SLC22A4: variants seen among roughly 807,000 people sequenced by gnomAD.
The protein encoded by SLC22A4 is solute carrier family 22 member 4, also known as ET transporter.
A neutral mutation model predicts 56.6 loss-of-function variants in SLC22A4; 39 were observed. The ratio of observed to expected loss-of-function variants is 0.69; its 90% CI spans 0.53 to 0.90. The LOEUF is 0.90. Ranked by LOEUF, SLC22A4 falls within the 40% of genes least tolerant of loss-of-function variation. SLC22A4 has a pLI of 0.00. For synonymous variants in SLC22A4, 241 were observed against 281.4 expected (o/e 0.86, Z 1.44); for missense variants, 594 against 696.5 (o/e 0.85, Z 1.66).
chr5:132,337,273 T>C (rs868566492), intron 8 of SLC22A4, among the ~76,000 whole-genome samples: 4,983 of 94,544 alleles, frequency 0.053, 344 homozygotes, highest in African/African-American at 0.14. Context: ...GATTACCTTT[T>C]TTTTTTTTTT....
chr5:132,303,295 TACACACAC>T, intron 1 of SLC22A4, among the ~76,000 whole-genome samples: 1 of 150,832 alleles, frequency 6.6e-6, no homozygotes, highest in East Asian at 1.9e-4. Context: ...CTGGTGAAAA[TACACACAC>T]ACACACACAC....
At chr5:132,295,158 C>A in intron 1 of SLC22A4, 149 bp downstream of exon 1, 1 of 958,776 alleles carries the variant, frequency 1.0e-6, no homozygotes, top group Non-Finnish European at 1.6e-6. Flanking sequence ...GTGTGCACCC[C>A]AAGAAAGAAT....
At chr5:132,337,925 A>G (rs541903875) in intron 8 of SLC22A4, among the ~76,000 whole-genome samples, 9 of 135,208 alleles carry the variant, frequency 6.7e-5, no homozygotes, top group Non-Finnish European at 1.1e-4. Flanking sequence ...TTGTATTTTT[A>G]GTAGAGATGG....
Position 132,337,362 on chromosome 5 carries a change from C to T in SLC22A4, c.1444+1362C>T, listed in dbSNP as rs555424987. ...TTCCCAGCTCACTGCAGCCTCAATCCCCCAGGCTCAAGAGATCCTCCCACC... is the reference window on the plus strand; with the variant it reads ...TTCCCAGCTCACTGCAGCCTCAATCTCCCAGGCTCAAGAGATCCTCCCACC... On this transcript the variant is annotated intron_variant, in intron 8 of 9. Transcript: ENST00000200652. 3.8e-3 allele frequency among the ~76,000 whole-genome samples: 566 copies of T among 150,500 alleles called. 2 individuals carry two copies. The highest frequency in any genetic ancestry group is 0.013 in the African/African-American group (530 of 40,944).
intron 8 of SLC22A4, among the ~76,000 whole-genome samples, chr5:132,339,804 T>C (rs1460803400): frequency 6.6e-6 from 1 of 152,152 alleles, no homozygotes; most frequent in Admixed American, 6.5e-5. Context: ...GCAATAACAA[T>C]ATTTTCCTTA....
intron 3 of SLC22A4, among the ~76,000 whole-genome samples, chr5:132,316,807 A>C (rs1042044514): frequency 1.3e-5 from 2 of 152,152 alleles, no homozygotes; most frequent in Admixed American, 6.5e-5. Flanking sequence ...CCACATATAT[A>C]TATATTTTTT....
In SLC22A4 at chr5:132,336,009, C is replaced by T. The variant is rs1196384025; in HGVS notation, c.1444+9C>T. The T allele has an allele frequency of 6.2e-7, 1 of 1,612,144 alleles. No homozygotes were observed. The highest frequency in any genetic ancestry group is 1.1e-5 in the South Asian group (1 of 91,040). Reference sequence around the variant, plus strand: ...CTACTTTGTTTACCTCGGTGAGCTGCATCTTGTGCATTTGTTCTTCCTTTA... The same window carrying T: ...CTACTTTGTTTACCTCGGTGAGCTGTATCTTGTGCATTTGTTCTTCCTTTA... On this transcript the variant is annotated intron_variant, in intron 8 of 9. Coordinates refer to ENST00000200652, the MANE Select transcript of SLC22A4 (RefSeq NM_003059.3).
At chr5:132,304,078 G>GGAAAAAACA (rs1359086253) in intron 1 of SLC22A4, among the ~76,000 whole-genome samples, 1 of 152,156 alleles carries the variant, frequency 6.6e-6, no homozygotes, top group Non-Finnish European at 1.5e-5. Flanking sequence ...TAGTTTACCA[G>GGAAAAAACA]GAAAAAACAG....
At position 132,294,568 on chromosome 5, in the gene SLC22A4, A is replaced by G. The variant is rs768845505; in HGVS notation, c.-49A>G. On this transcript the variant is annotated 5_prime_UTR_variant, in exon 1 of 10. Coordinates refer to ENST00000200652, the MANE Select transcript of SLC22A4 (RefSeq NM_003059.3). The surrounding 1 kb of genome is among the most constrained non-coding windows in gnomAD (Gnocchi z 5.6). ...CCCAGCTACAAGACACTGTCCTGAG[A>G]ACGCTGTCATCACCCGTAGTTGCAA... 4 of 1,613,394 alleles carry G rather than the reference A, an allele frequency of 2.5e-6. No individual in the cohort carries two copies. The highest frequency in any genetic ancestry group is 3.3e-5 in the Admixed American group (2 of 60,028).
At chr5:132,328,889 A>ATG (rs1490975258) in intron 5 of SLC22A4, among the ~76,000 whole-genome samples, 10 of 51,640 alleles carry the variant, frequency 1.9e-4, no homozygotes, top group Admixed American at 4.5e-4. Context: ...ATGTGTATAT[A>ATG]TATGTGTGTA....
chr5:132,313,128 T>C (rs773491368), intron 2 of SLC22A4, among the ~76,000 whole-genome samples: 4 of 152,190 alleles, frequency 2.6e-5, no homozygotes, highest in African/African-American at 4.8e-5. Flanking sequence ...CCAAACTGTA[T>C]CCCAAAATCT....
At chr5:132,303,282 T>G (rs1235595522) in intron 1 of SLC22A4, among the ~76,000 whole-genome samples, 4 of 151,986 alleles carry the variant, frequency 2.6e-5, no homozygotes, top group Non-Finnish European at 5.9e-5. Context: ...GAAACAGCCA[T>G]AACTGGTGAA....
At chr5:132,328,903 GTATATATA>G (rs753290785) in intron 5 of SLC22A4, among the ~76,000 whole-genome samples, 13 of 96,456 alleles carry the variant, frequency 1.3e-4, no homozygotes, top group Non-Finnish European at 1.8e-4. Flanking sequence ...GTGTGTATGT[GTATATATA>G]TATATATATA....
chr5:132,308,092 G>A (rs61291659), intron 1 of SLC22A4, among the ~76,000 whole-genome samples: 57 of 152,240 alleles, frequency 3.7e-4, no homozygotes, highest in African/African-American at 1.3e-3. Flanking sequence ...ATGATTATAC[G>A]GATTATTCAG....
At position 132,295,001 on chromosome 5, in the gene SLC22A4, G is replaced by T; in HGVS notation, c.385G>T (p.Val129Leu). ...FSQDVYLSTV[V>L]TEWNLVCEDN... ...CCAGGACGTCTACCTGTCCACCGTC[G>T]TGACCGAGGTGGGTGCCAGGCCGAG... The change falls in exon 1 of 10, where the codon GTG (valine) becomes TTG (leucine). Residue 129 changes from valine to leucine, a missense_variant. Physicochemically the swap from Val to Leu is conservative, Grantham distance 32. Coordinates refer to ENST00000200652, the MANE Select transcript of SLC22A4 (RefSeq NM_003059.3). 1 of 1,605,746 alleles carries T rather than the reference G, an allele frequency of 6.2e-7. No homozygotes were observed. The highest frequency in any genetic ancestry group is 8.5e-7 in the Non-Finnish European group (1 of 1,176,832).
chr5:132,338,567 A>AACCGTAAAAGACAGCTG (rs1751098376), intron 8 of SLC22A4, among the ~76,000 whole-genome samples: 2 of 151,992 alleles, frequency 1.3e-5, no homozygotes. Context: ...CCCTACAGCT[A>AACCGTAAAAGACAGCTG]CAACCGTAAA....
At chr5:132,298,455 TG>T (rs1221405584) in intron 1 of SLC22A4, among the ~76,000 whole-genome samples, 4 of 152,250 alleles carry the variant, frequency 2.6e-5, no homozygotes, top group Non-Finnish European at 5.9e-5. Flanking sequence ...TGCCAGGGAC[TG>T]GAAGAAGGAA....
rs780185472 is a variant in SLC22A4 at position 132,327,251 on chromosome 5, T to A, written c.825-26T>A. 1.1e-5 allele frequency: 17 copies of A among 1,500,020 alleles called. No individual in the cohort carries two copies. The South Asian group carries it at 1.9e-4, about 17-fold the overall frequency. 92.9% of individuals were successfully genotyped at this position (1,500,020 alleles called of 1,614,324 possible). ...ATCCAGCCCTGCTGTTGTGAAAAAT[T>A]ATTAAATATTAAAAATAAATTATAG... On this transcript the variant is annotated intron_variant, in intron 4 of 9. Coordinates refer to ENST00000200652, the MANE Select transcript of SLC22A4 (RefSeq NM_003059.3).
At chr5:132,306,612 A>G in intron 1 of SLC22A4, among the ~76,000 whole-genome samples, 1 of 150,374 alleles carries the variant, frequency 6.7e-6, no homozygotes. Context: ...TGCCCAGCTA[A>G]TTTTTGCATT....
Sources: gnomAD v4.1 joint callset for allele counts (sites outside exome capture counted in the v4.1 genomes callset) on GRCh38, gnomAD v4.1.1 for gene constraint, Gnocchi (gnomAD v3.1) non-coding constraint, MANE v1.5 for transcripts, NCBI Gene and HGNC (gene_info 2026-07-23, HGNC 2026-07-21) for gene names.